NCK2: variants seen among roughly 807,000 people sequenced by gnomAD.
NCK2 encodes the protein cytoplasmic protein NCK2.
NCK2 carries 16 observed loss-of-function variants against 33.9 expected under a neutral mutation model. The ratio of observed to expected loss-of-function variants is 0.47; its 90% confidence interval spans 0.32 to 0.72. The LOEUF is 0.72. Among genes scored for constraint, NCK2 ranks in the 30% least tolerant of loss-of-function variants. The pLI, the probability that NCK2 is intolerant of heterozygous loss-of-function variation, is 0.03. For synonymous variants in NCK2, 273 were observed against 239.9 expected (o/e 1.14, Z -1.27); for missense variants, 418 against 537.3 (o/e 0.78, Z 2.19).
chr2:105,768,969 C>G (rs1261873582), intron 1 of NCK2, among the ~76,000 whole-genome samples: 1 of 152,196 alleles, frequency 6.6e-6, no homozygotes, highest in Non-Finnish European at 1.5e-5. Context: ...TGGCCCCCCA[C>G]CCCTCCCAGA....
intron 3 of NCK2, among the ~76,000 whole-genome samples, chr2:105,866,673 G>A (rs1009137051): frequency 2.6e-5 from 4 of 152,190 alleles, no homozygotes; most frequent in African/African-American, 9.7e-5. Context: ...GGTAATGCTC[G>A]CCAGCCCACT....
chr2:105,840,105 T>A (rs1234729673), intron 2 of NCK2, among the ~76,000 whole-genome samples: 1 of 152,040 alleles, frequency 6.6e-6, no homozygotes, highest in Non-Finnish European at 1.5e-5. Context: ...TGGTAGAGTA[T>A]CCCCTCTATA....
chr2:105,875,141 C>T (rs761474504), intron 3 of NCK2, among the ~76,000 whole-genome samples: 1 of 152,200 alleles, frequency 6.6e-6, no homozygotes, highest in Non-Finnish European at 1.5e-5. Context: ...TTTGTTCACA[C>T]TCCTTGCTGT....
intron 1 of NCK2, among the ~76,000 whole-genome samples, chr2:105,812,829 T>TC (rs1553456372): frequency 8.6e-5 from 13 of 150,802 alleles, no homozygotes; most frequent in East Asian, 1.9e-4. Flanking sequence ...TTTTTTTTTT[T>TC]CCCTCCTGTG....
At chr2:105,848,764 G>A (rs1676944035) in intron 2 of NCK2, among the ~76,000 whole-genome samples, 1 of 152,298 alleles carries the variant, frequency 6.6e-6, no homozygotes, top group African/African-American at 2.4e-5. Context: ...GCCTGTATTT[G>A]AATGAGTTTC....
chr2:105,783,541 T>C (rs189599448), intron 1 of NCK2, among the ~76,000 whole-genome samples: 62 of 152,180 alleles, frequency 4.1e-4, no homozygotes, highest in African/African-American at 1.4e-3. Flanking sequence ...CACAGGTTAA[T>C]GTGCAGTATT....
At chr2:105,789,309 T>C (rs1690792719) in intron 1 of NCK2, among the ~76,000 whole-genome samples, 1 of 152,142 alleles carries the variant, frequency 6.6e-6, no homozygotes, top group African/African-American at 2.4e-5. Flanking sequence ...TGCCTCAGCC[T>C]CCTGAGTAGC....
At chr2:105,892,885 T>A in intron 4 of NCK2, 97 bp from the exon 5 acceptor site, 9 of 881,980 alleles carry the variant, frequency 1.0e-5, no homozygotes, top group South Asian at 2.1e-5. Flanking sequence ...GTTTGAGCAA[T>A]GGGTGGTTTG....
intron 3 of NCK2, among the ~76,000 whole-genome samples, chr2:105,870,207 G>A (rs2104626787): frequency 6.6e-6 from 1 of 152,366 alleles, no homozygotes. Context: ...GGGCCAAGCA[G>A]GGGCCCTACA....
intron 3 of NCK2, among the ~76,000 whole-genome samples, chr2:105,860,738 G>A (rs1286015019): frequency 6.6e-6 from 1 of 151,850 alleles, no homozygotes; most frequent in Non-Finnish European, 1.5e-5. Context: ...TCCATAGAGA[G>A]CCGTGGATGC....
chr2:105,884,852 G>A (rs776288339), intron 4 of NCK2, among the ~76,000 whole-genome samples: 6 of 152,108 alleles, frequency 3.9e-5, no homozygotes, highest in Non-Finnish European at 5.9e-5. Flanking sequence ...ATCCTTAGCA[G>A]CTAAAGGTGA....
intron 2 of NCK2, among the ~76,000 whole-genome samples, chr2:105,832,431 G>T (rs1213631634): frequency 6.6e-6 from 1 of 152,140 alleles, no homozygotes; most frequent in Non-Finnish European, 1.5e-5. Flanking sequence ...TTCAGCTTTT[G>T]CCTATTCAGT....
intron 3 of NCK2, among the ~76,000 whole-genome samples, chr2:105,861,513 CTT>C (rs35044148): frequency 0.063 from 7,175 of 114,406 alleles, 168 homozygotes; most frequent in South Asian, 0.084. Flanking sequence ...AGGTTTTTCT[CTT>C]TTTTTTTTTT....
At chr2:105,835,713 G>T (rs1307170937) in intron 2 of NCK2, among the ~76,000 whole-genome samples, 3 of 151,624 alleles carry the variant, frequency 2.0e-5, no homozygotes, top group Non-Finnish European at 4.4e-5. Context: ...TATTAAAGAG[G>T]GTTTCTATGC....
chr2:105,847,386 AAAG>A (rs1226596125), intron 2 of NCK2: 2 of 152,208 alleles, frequency 1.3e-5, no homozygotes, highest in Non-Finnish European at 2.9e-5. Context: ...ACTTTGTAGA[AAAG>A]AAATGATGTG....
At chr2:105,759,839 C>A (rs1288459889) in intron 1 of NCK2, among the ~76,000 whole-genome samples, 2 of 152,160 alleles carry the variant, frequency 1.3e-5, no homozygotes, top group Non-Finnish European at 2.9e-5. Flanking sequence ...TGTAGACTGT[C>A]CCTCAGTTGA....
At chr2:105,830,670 GGTGTGTGTGTGTGTGTGTGT>G (rs56220635) in intron 2 of NCK2, among the ~76,000 whole-genome samples, 25 of 99,058 alleles carry the variant, frequency 2.5e-4, no homozygotes, top group African/African-American at 9.1e-4. Context: ...CCAGGAATTT[GGTGTGTGTGTGTGTGTGTGT>G]GTGTGTGTGT....
At chr2:105,757,982 G>A (rs553246756) in intron 1 of NCK2, among the ~76,000 whole-genome samples, 1 of 152,278 alleles carries the variant, frequency 6.6e-6, no homozygotes, top group African/African-American at 2.4e-5. Flanking sequence ...ATGCCAGGGT[G>A]GGTGTTATTA....
chr2:105,793,145 G>A (rs1228477241), intron 1 of NCK2, among the ~76,000 whole-genome samples: 2 of 152,142 alleles, frequency 1.3e-5, no homozygotes, highest in Non-Finnish European at 2.9e-5. Flanking sequence ...CATGAGAGGT[G>A]GGAAGCCACA....
Sources: allele counts gnomAD v4.1 joint callset (sites outside exome capture counted in the v4.1 genomes callset), GRCh38; gene constraint gnomAD v4.1.1; transcripts MANE v1.5; gene names NCBI Gene and HGNC (gene_info 2026-07-23, HGNC 2026-07-21).